FUT8: variants seen among roughly 807,000 people sequenced by gnomAD.
FUT8 encodes the protein fucosyltransferase 8, also known as alpha-(1,6)-fucosyltransferase.
A neutral mutation model predicts 71.3 loss-of-function variants in FUT8; 29 were observed. That is an observed-to-expected ratio of 0.41 (90% CI 0.30 to 0.55). FUT8 has a LOEUF of 0.55. FUT8 is among the 20% of genes least tolerant of loss of function. The pLI, the probability that FUT8 is intolerant of heterozygous loss-of-function variation, is 0.34. For missense variants in FUT8, 544 were observed against 702.1 expected (o/e 0.77, Z 2.55); for synonymous variants, 254 against 239.3 (o/e 1.06, Z -0.57).
At chr14:65,558,318 C>T (rs1317737577) in intron 2 of FUT8, among the ~76,000 whole-genome samples, 4 of 91,530 alleles carry the variant, frequency 4.4e-5, no homozygotes, top group Non-Finnish European at 8.7e-5. Flanking sequence ...GGCAACAGAG[C>T]GAGACTCAAA....
Position 65,724,377 on chromosome 14 carries a change from A to G in FUT8, c.1259+54A>G, listed in dbSNP as rs1409522279. 2.0e-5 allele frequency: 23 copies of G among 1,130,916 alleles called. No individual in the cohort carries two copies. In the East Asian group the frequency reaches 5.5e-4, roughly 27 times the overall value. The allele number at this position is 1,130,916 out of a possible 1,614,324, so 70.1% of individuals were successfully genotyped here. A position where few individuals can be genotyped will look rare whatever the true frequency, so the allele number is the denominator to read the frequency against. On this transcript the variant is annotated intron_variant, in intron 9 of 10. Transcript: ENST00000673929. ...GTGGGGTTGTCTCTTTCAGTTTAAA[A>G]GAATTCTTACTTCCCATGACTTGTG...
intron 1 of FUT8, among the ~76,000 whole-genome samples, chr14:65,445,057 AT>A (rs2065718386): frequency 6.6e-6 from 1 of 152,152 alleles, no homozygotes; most frequent in Non-Finnish European, 1.5e-5. Flanking sequence ...TACAAAAAAA[AT>A]TAGATGGGCG....
rs1472723112 is a variant in FUT8, at chr14:65,653,987, T to A, written c.598-15256T>A. On this transcript the variant is annotated intron_variant, in intron 6 of 10. Transcript: ENST00000673929. Reference sequence around the variant, plus strand: ...AAAAGGAAGTTCTTCAGACAAAAAATGATGACAGAAGGGAATTCTGCTGGA... The same window carrying A: ...AAAAGGAAGTTCTTCAGACAAAAAAAGATGACAGAAGGGAATTCTGCTGGA... 2.6e-5 allele frequency among the ~76,000 whole-genome samples: 4 copies of A among 152,246 alleles called. No individual in the cohort carries two copies. In the East Asian group the frequency reaches 5.8e-4, roughly 22 times the overall value.
chr14:65,729,449 G>GTA (rs1321380923), intron 9 of FUT8, among the ~76,000 whole-genome samples: 1 of 151,598 alleles, frequency 6.6e-6, no homozygotes, highest in Admixed American at 6.6e-5. Flanking sequence ...ATGCTATGAC[G>GTA]TATGCCTAAA....
In FUT8 at chr14:65,543,153, G is replaced by A. The variant is rs1320053437; in HGVS notation, c.-227-18184G>A. Among the ~76,000 whole-genome samples the A allele has an allele frequency of 2.0e-5, 3 of 152,126 alleles. No individual in the cohort carries two copies. The East Asian group carries it at 5.8e-4, about 29-fold the overall frequency. On this transcript the variant is annotated intron_variant, in intron 2 of 10. Transcript: ENST00000673929. The stretch of plus-strand genomic sequence containing the variant: ...ATTAAATGTTGTGTTTAAGGACCCT[G>A]CAGCTTATCAAGAGTTGATTTGAAT...
At chr14:65,402,795 G>A in the FUT8 span, among the ~76,000 whole-genome samples, 8 of 152,186 alleles carry the variant, frequency 5.3e-5, no homozygotes, top group African/African-American at 1.9e-4. Context: ...CACTGTGCCC[G>A]CCTGGAGTAT....
At chr14:65,379,541 C>CAA in the FUT8 span, among the ~76,000 whole-genome samples, 1 of 142,212 alleles carries the variant, frequency 7.0e-6, no homozygotes. Flanking sequence ...AAACAAAAAA[C>CAA]AAAAAAAAAA....
intron 7 of FUT8, among the ~76,000 whole-genome samples, chr14:65,681,413 A>G (rs1893030645): frequency 1.3e-5 from 2 of 152,322 alleles, no homozygotes; most frequent in South Asian, 4.1e-4. Flanking sequence ...TGTTGTTTAT[A>G]ACAAAATTTC....
chr14:65,517,962 T>A (rs2139848085), intron 2 of FUT8, among the ~76,000 whole-genome samples: 1 of 80,254 alleles, frequency 1.2e-5, no homozygotes, highest in East Asian at 7.5e-4. Flanking sequence ...AGCTGCTTTG[T>A]GGTGATTTTT....
chr14:65,691,366 A>G (rs1406516722), intron 7 of FUT8, among the ~76,000 whole-genome samples: 1 of 151,122 alleles, frequency 6.6e-6, no homozygotes, highest in Non-Finnish European at 1.5e-5. Flanking sequence ...GTTTCTCACC[A>G]TTATGCAGTT....
At chr14:65,716,737 C>A (rs554194000) in intron 7 of FUT8, among the ~76,000 whole-genome samples, 3 of 152,148 alleles carry the variant, frequency 2.0e-5, no homozygotes, top group Admixed American at 6.5e-5. Context: ...TCTCGATGGT[C>A]GCTGTCTCTT....
chr14:65,510,223 T>C (rs1882243577), intron 2 of FUT8, among the ~76,000 whole-genome samples: 1 of 152,066 alleles, frequency 6.6e-6, no homozygotes, highest in Non-Finnish European at 1.5e-5. Context: ...GTTGATACGA[T>C]ATATGGTGAT....
intron 3 of FUT8, among the ~76,000 whole-genome samples, chr14:65,572,524 T>C (rs1218127621): frequency 6.6e-6 from 1 of 152,210 alleles, no homozygotes; most frequent in Non-Finnish European, 1.5e-5. Flanking sequence ...ATGGTGGCTC[T>C]AAAAGTCACT....
rs1050374129 is a variant in FUT8 at position 65,496,827 on chromosome 14, C to T, written c.-228+41109C>T. 3.9e-5 allele frequency among the ~76,000 whole-genome samples: 6 copies of T among 152,186 alleles called. No individual in the cohort carries two copies. In the East Asian group the frequency reaches 1.2e-3, roughly 29 times the overall value. ...GGTATGGCTGTGGAGTGGTTTTGTG[C>T]TTGCTGTTGTTGCCGTGGTGCTTCA... On this transcript the variant is annotated intron_variant, in intron 2 of 10. Coordinates refer to ENST00000673929, the MANE Select transcript of FUT8 (RefSeq NM_001371533.1).
intron 10 of FUT8, 141 bp downstream of exon 10, chr14:65,733,522 C>A: frequency 1.8e-6 from 1 of 547,616 alleles, no homozygotes; most frequent in African/African-American, 1.9e-5. Context: ...GTAATGATCC[C>A]TTTTGTGAAA....
chr14:65,714,244 T>C (rs1351070499), intron 7 of FUT8, among the ~76,000 whole-genome samples: 2 of 152,144 alleles, frequency 1.3e-5, no homozygotes, highest in Non-Finnish European at 2.9e-5. Flanking sequence ...TTTTCTATGC[T>C]AGAGCCATGC....
intron 5 of FUT8, among the ~76,000 whole-genome samples, chr14:65,618,775 A>G (rs1889441332): frequency 6.6e-6 from 1 of 152,114 alleles, no homozygotes; most frequent in African/African-American, 2.4e-5. Context: ...GGCTCAAATG[A>G]TAGTGTATAG....
chr14:65,373,268 G>A, the FUT8 span, among the ~76,000 whole-genome samples: 1 of 151,466 alleles, frequency 6.6e-6, no homozygotes, highest in Non-Finnish European at 1.5e-5. Flanking sequence ...ATGACAACAG[G>A]CATTCCTGTT....
intron 2 of FUT8, among the ~76,000 whole-genome samples, chr14:65,507,281 C>G (rs758870038): frequency 2.0e-5 from 3 of 152,204 alleles, no homozygotes; most frequent in Non-Finnish European, 2.9e-5. Context: ...TGCAAACTCT[C>G]GGCCTTCCAA....
Sources: gnomAD v4.1 joint callset for allele counts (sites outside exome capture counted in the v4.1 genomes callset) on GRCh38, gnomAD v4.1.1 for gene constraint, MANE v1.5 for transcripts, NCBI Gene and HGNC (gene_info 2026-07-23, HGNC 2026-07-21) for gene names.